Variants in TMEM117 observed in about 807,000 individuals in gnomAD.
TMEM117 encodes the protein transmembrane protein 117.
In TMEM117, 27 loss-of-function variants were observed where a neutral mutation model predicts 52.4. The observed-to-expected ratio is 0.51, with a 90% CI of 0.38 to 0.71. The LOEUF is 0.71. Ranked by LOEUF, TMEM117 falls within the 30% of genes least tolerant of loss-of-function variation. TMEM117 has a pLI of 0.00. For missense variants in TMEM117, 556 were observed against 630.5 expected, an observed-to-expected ratio of 0.88 and a Z score of 1.26; for synonymous variants, 215 against 206.3, an observed-to-expected ratio of 1.04 and a Z score of -0.36.
At chr12:44,306,154 G>A (rs1435067727) in intron 6 of TMEM117, among the ~76,000 whole-genome samples, 7 of 152,060 alleles carry the variant, frequency 4.6e-5, no homozygotes, top group Non-Finnish European at 7.4e-5. Context: ...GGAATGGACC[G>A]AAAAACTACC....
At chr12:44,277,345 T>C (rs769996164) in intron 5 of TMEM117, among the ~76,000 whole-genome samples, 2 of 152,162 alleles carry the variant, frequency 1.3e-5, no homozygotes, top group Non-Finnish European at 2.9e-5. Context: ...GGATCCCAAG[T>C]ATCCTAAATT....
chr12:43,813,233 T>TG, the TMEM117 span, among the ~76,000 whole-genome samples: 2 of 89,036 alleles, frequency 2.2e-5, no homozygotes, highest in African/African-American at 1.1e-4. Flanking sequence ...TTTCTCTTGT[T>TG]TTTTTTTTTT....
intron 5 of TMEM117, among the ~76,000 whole-genome samples, chr12:44,289,015 A>C (rs983548122): frequency 6.6e-6 from 1 of 151,986 alleles, no homozygotes; most frequent in Non-Finnish European, 1.5e-5. Context: ...AACATCTCCC[A>C]ATTTTCCCCA....
chr12:44,119,345 A>G (rs1948196295), intron 3 of TMEM117, among the ~76,000 whole-genome samples: 1 of 152,220 alleles, frequency 6.6e-6, no homozygotes, highest in Admixed American at 6.5e-5. Flanking sequence ...AGCACAATCT[A>G]GATACCTCTT....
chr12:43,844,673 T>C lies in TMEM117; in HGVS notation c.22T>C (p.Tyr8His). 6.2e-7 allele frequency: 1 copy of C among 1,613,780 alleles called. No homozygotes were observed. Residue 8 changes from tyrosine to histidine, a missense_variant, in exon 2 of 8, where the codon TAT (tyrosine) becomes CAT (histidine). Coordinates refer to ENST00000266534, the MANE Select transcript of TMEM117 (RefSeq NM_032256.3). MGKDFRY[Y>H]FQHPWSRMIV... ...AAGAATGGGTAAAGACTTTCGTTAC[T>C]ATTTCCAGCATCCCTGGTCTCGCAT...
intron 5 of TMEM117, among the ~76,000 whole-genome samples, chr12:44,228,871 G>T (rs1360278419): frequency 6.6e-6 from 1 of 152,134 alleles, no homozygotes; most frequent in African/African-American, 2.4e-5. Flanking sequence ...CACACACAGG[G>T]TGTAGCAGAA....
At chr12:43,852,544 G>A (rs1423699973) in intron 2 of TMEM117, among the ~76,000 whole-genome samples, 1 of 152,256 alleles carries the variant, frequency 6.6e-6, no homozygotes, top group Non-Finnish European at 1.5e-5. Flanking sequence ...AGAGGTTGCA[G>A]TGAGCTGAGA....
At chr12:44,130,459 A>G (rs765347187) in intron 3 of TMEM117, among the ~76,000 whole-genome samples, 1 of 152,174 alleles carries the variant, frequency 6.6e-6, no homozygotes, top group Admixed American at 6.5e-5. Context: ...CAACTTCTCT[A>G]ACACCATAGC....
intron 5 of TMEM117, chr12:44,263,630 T>C (rs1950345841): frequency 6.6e-6 from 1 of 152,216 alleles, no homozygotes; most frequent in Non-Finnish European, 1.5e-5. Flanking sequence ...CTTACAGAAT[T>C]GTTTTTAAAA....
chr12:44,130,497 A>G (rs1948396698), intron 3 of TMEM117, among the ~76,000 whole-genome samples: 2 of 152,256 alleles, frequency 1.3e-5, no homozygotes, highest in Non-Finnish European at 2.9e-5. Flanking sequence ...TGAGTTTTAT[A>G]TATTTGTAAT....
At chr12:44,026,730 A>G (rs1170142120) in intron 3 of TMEM117, among the ~76,000 whole-genome samples, 1 of 152,212 alleles carries the variant, frequency 6.6e-6, no homozygotes, top group African/African-American at 2.4e-5. Flanking sequence ...AACTTACAGA[A>G]AAGTTGTAAA....
chr12:44,347,692 T>C (rs909117027), intron 6 of TMEM117, among the ~76,000 whole-genome samples: 1 of 152,008 alleles, frequency 6.6e-6, no homozygotes, highest in Non-Finnish European at 1.5e-5. Context: ...CTAACAGAGG[T>C]GATTTTCTTA....
intron 5 of TMEM117, among the ~76,000 whole-genome samples, chr12:44,297,596 C>A (rs1006318653): frequency 2.0e-5 from 3 of 152,140 alleles, no homozygotes; most frequent in Non-Finnish European, 2.9e-5. Flanking sequence ...TTTATAGCAT[C>A]CTTGTGGGAA....
At chr12:44,064,042 G>A (rs537659226) in intron 3 of TMEM117, among the ~76,000 whole-genome samples, 22 of 152,088 alleles carry the variant, frequency 1.4e-4, no homozygotes, top group Non-Finnish European at 2.1e-4. Flanking sequence ...CTCCTGGGGG[G>A]TCTCCTTGAA....
At position 44,014,019 on chromosome 12, in the gene TMEM117, T is replaced by C. The variant is rs371856633; in HGVS notation, c.410+69677T>C. ...CTAACAAACTTTCAGGGGAGGGGCA[T>C]AGGGAGAACAATAGACACCTCAGAT... On this transcript the variant is annotated intron_variant, in intron 3 of 7. Transcript: ENST00000266534. Among the ~76,000 whole-genome samples the C allele has an allele frequency of 1.8e-4, 27 of 152,066 alleles. 1 individual carries two copies. In the South Asian group the frequency reaches 5.6e-3, roughly 32 times the overall value.
intron 5 of TMEM117, chr12:44,263,475 A>G (rs1592649401): frequency 6.6e-6 from 1 of 152,236 alleles, no homozygotes; most frequent in Non-Finnish European, 1.5e-5. Context: ...CATTTGACCC[A>G]GCAATCCCAT....
At chr12:44,224,246 G>T (rs1369389538) in intron 5 of TMEM117, among the ~76,000 whole-genome samples, 3 of 152,056 alleles carry the variant, frequency 2.0e-5, no homozygotes, top group African/African-American at 7.2e-5. Flanking sequence ...TACAGTTTTA[G>T]TATTAGCCCA....
chr12:44,343,757 TAAAATC>T, intron 6 of TMEM117, among the ~76,000 whole-genome samples: 1 of 152,282 alleles, frequency 6.6e-6, no homozygotes, highest in East Asian at 1.9e-4. Flanking sequence ...AATAAAATGT[TAAAATC>T]AATTATATTC....
chr12:44,075,474 G>A (rs536463201), intron 3 of TMEM117, among the ~76,000 whole-genome samples: 1 of 152,282 alleles, frequency 6.6e-6, no homozygotes, highest in Admixed American at 6.5e-5. Flanking sequence ...TTTGAACAAG[G>A]AGATCCATAT....
Sources: allele counts gnomAD v4.1 joint callset (sites outside exome capture counted in the v4.1 genomes callset), GRCh38; gene constraint gnomAD v4.1.1; transcripts MANE v1.5; gene names NCBI Gene and HGNC (gene_info 2026-07-23, HGNC 2026-07-21).